UBLCP1: variants seen among roughly 807,000 people sequenced by gnomAD.
The protein encoded by UBLCP1 is ubiquitin like domain containing CTD phosphatase 1.
In UBLCP1, 28 loss-of-function variants were observed where a neutral mutation model predicts 42.4. The observed-to-expected ratio is 0.66, with a 90% CI of 0.49 to 0.90. The LOEUF (loss-of-function observed/expected upper bound fraction) is 0.90, where lower values mean the gene tolerates loss of function less well. UBLCP1 is among the 40% of genes least tolerant of loss of function. The pLI is 0.00. For synonymous variants in UBLCP1, 122 were observed against 120.8 expected (o/e 1.01, Z -0.07); for missense variants, 279 against 374.5 (o/e 0.75, Z 2.10).
intron 2 of UBLCP1, among the ~76,000 whole-genome samples, chr5:159,269,361 T>C (rs1016197672): frequency 6.6e-6 from 1 of 152,240 alleles, no homozygotes; most frequent in African/African-American, 2.4e-5. Context: ...ATGAAACTCA[T>C]TTATTTTCTG....
At chr5:159,266,515 A>G (rs1171366537) in intron 1 of UBLCP1, among the ~76,000 whole-genome samples, 4 of 152,148 alleles carry the variant, frequency 2.6e-5, no homozygotes, top group Non-Finnish European at 4.4e-5. Flanking sequence ...GAAAAGAAAA[A>G]CGCATTTTCT....
At chr5:159,269,090 G>C (rs919032057) in intron 2 of UBLCP1, 21 bp downstream of exon 2, 1 of 1,484,048 alleles carries the variant, frequency 6.7e-7, no homozygotes. Flanking sequence ...CCCCTCTTCA[G>C]ATTTTTTGCA....
At chr5:159,275,345 T>C in intron 8 of UBLCP1, 99 bp downstream of exon 8, 3 of 792,590 alleles carry the variant, frequency 3.8e-6, no homozygotes, top group South Asian at 3.6e-5. Flanking sequence ...GAGATTCATC[T>C]GAGTGAATAA....
chr5:159,266,001 G>T (rs1584736504), intron 1 of UBLCP1, among the ~76,000 whole-genome samples: 2 of 152,310 alleles, frequency 1.3e-5, no homozygotes, highest in South Asian at 4.1e-4. Context: ...TGTCTTAGCA[G>T]CATGAAAACA....
chr5:159,280,568 G>A (rs776493331), intron 9 of UBLCP1, among the ~76,000 whole-genome samples: 1 of 152,174 alleles, frequency 6.6e-6, no homozygotes, highest in Non-Finnish European at 1.5e-5. Context: ...CTCTCAAAGT[G>A]CAGGATTACA....
Position 159,270,611 on chromosome 5 carries a change from T to G in UBLCP1, c.416T>G (p.Leu139Arg). ...ILNPPREGKK[L>R]LVLDVDYTLF... ...AATCCTCCCAGGGAAGGGAAAAAGC[T>G]TTTGGTGCTAGATGTTGATTATACA... is the stretch of plus-strand genomic sequence containing the variant. The change falls in exon 5 of 11, where the codon CTT becomes CGT. Residue 139 changes from leucine to arginine, a missense_variant. Leu to Arg is a moderately radical substitution (Grantham distance 102, BLOSUM62 -2). Coordinates refer to ENST00000296786, the MANE Select transcript of UBLCP1 (RefSeq NM_145049.5). 6.2e-7 allele frequency: 1 copy of G among 1,608,960 alleles called. No homozygotes were observed. The highest frequency in any genetic ancestry group is 2.2e-5 in the East Asian group (1 of 44,714).
chr5:159,267,153 G>C (rs1018372476), intron 1 of UBLCP1, among the ~76,000 whole-genome samples: 1 of 152,182 alleles, frequency 6.6e-6, no homozygotes, highest in Non-Finnish European at 1.5e-5. Flanking sequence ...ATGCCAGCCC[G>C]TGAAAGCAGC....
At chr5:159,267,582 G>C (rs1753414758) in intron 1 of UBLCP1, among the ~76,000 whole-genome samples, 1 of 152,146 alleles carries the variant, frequency 6.6e-6, no homozygotes, top group African/African-American at 2.4e-5. Flanking sequence ...CATGAGATTT[G>C]GAGGGGCCAG....
At chr5:159,282,206 A>G (rs946357321) in intron 9 of UBLCP1, among the ~76,000 whole-genome samples, 3 of 152,202 alleles carry the variant, frequency 2.0e-5, no homozygotes, top group African/African-American at 7.2e-5. Context: ...TTATTGAAAG[A>G]CTATCTTGAG....
chr5:159,277,096 T>G (rs1244639446), intron 8 of UBLCP1, among the ~76,000 whole-genome samples: 2 of 152,144 alleles, frequency 1.3e-5, no homozygotes, highest in African/African-American at 2.4e-5. Context: ...TCATATTTCT[T>G]GAGGCTTTTG....
chr5:159,270,413 T>C lies in UBLCP1; in HGVS notation c.300T>C (p.Asp100=). ...PDNDDVVNDF[D]IEDEVVEVEN... ...ATGATGATGTTGTTAATGACTTTGA[T>C]ATTGAAGATGAAGTAGTTGAAGTAG... The change falls in exon 4 of 11, where the codon GAT becomes GAC. Residue 100 remains aspartate, a synonymous_variant. Coordinates refer to ENST00000296786, the MANE Select transcript of UBLCP1 (RefSeq NM_145049.5). The C allele has an allele frequency of 6.2e-7, 1 of 1,613,572 alleles. No homozygotes were observed. The highest frequency in any genetic ancestry group is 1.3e-5 in the African/African-American group (1 of 75,030).
rs943173560 is a variant in UBLCP1, at chr5:159,285,212, A to ACACC, written c.*284_*285insCCAC. The ACACC allele has an allele frequency of 1.3e-5, 3 of 235,934 alleles. No individual in the cohort carries two copies. The highest frequency in any genetic ancestry group is 5.0e-5 in the African/African-American group (2 of 39,618). The allele number at this position is 235,934 out of a possible 1,614,324, so 14.6% of individuals were successfully genotyped here. A position where few individuals can be genotyped will look rare whatever the true frequency, so the allele number is the denominator to read the frequency against. Reference sequence around the variant, plus strand: ...ACCCTCCCACCACACACACACACACACACACACACACACACACACACACAC... The same window carrying ACACC: ...ACCCTCCCACCACACACACACACACACACCCACACACACACACACACACACACAC... On this transcript the variant is annotated 3_prime_UTR_variant, in exon 11 of 11. Transcript: ENST00000296786.
chr5:159,282,299 A>C (rs998276780), intron 9 of UBLCP1, among the ~76,000 whole-genome samples: 1 of 152,156 alleles, frequency 6.6e-6, no homozygotes, highest in Non-Finnish European at 1.5e-5. Flanking sequence ...AAAGTGCATA[A>C]ATTTATAGTT....
At chr5:159,274,750 G>C in intron 7 of UBLCP1, 128 bp downstream of exon 7, 1 of 751,658 alleles carries the variant, frequency 1.3e-6, no homozygotes, top group Non-Finnish European at 2.2e-6. Context: ...GCCATTATTG[G>C]GAGTAGAGGT....
chr5:159,270,123 C>T (rs2420825), intron 3 of UBLCP1, 124 bp downstream of exon 3: 486,189 of 840,302 alleles, frequency 0.58, 144,364 homozygotes, highest in Non-Finnish European at 0.61. Flanking sequence ...AAATAAAACC[C>T]GCACCGTGAA....
intron 1 of UBLCP1, among the ~76,000 whole-genome samples, chr5:159,264,930 C>T (rs1278000899): frequency 1.3e-5 from 2 of 152,182 alleles, no homozygotes; most frequent in Non-Finnish European, 2.9e-5. Flanking sequence ...GGTTGCCTTT[C>T]TAGCTCTCGT....
chr5:159,269,405 C>T (rs573136124), intron 2 of UBLCP1, among the ~76,000 whole-genome samples: 5 of 152,234 alleles, frequency 3.3e-5, no homozygotes, highest in East Asian at 3.9e-4. Context: ...TTCGTTGTAA[C>T]GAGGGCCTCG....
intron 9 of UBLCP1, among the ~76,000 whole-genome samples, chr5:159,282,416 C>T (rs919593337): frequency 6.6e-6 from 1 of 152,066 alleles, no homozygotes; most frequent in African/African-American, 2.4e-5. Flanking sequence ...TTATAGTCCT[C>T]TAGTCTTTTT....
intron 8 of UBLCP1, 77 bp downstream of exon 8, chr5:159,275,323 G>GGTA: frequency 1.0e-6 from 1 of 956,052 alleles, no homozygotes; most frequent in Non-Finnish European, 1.5e-6. Context: ...TACCTATGGA[G>GGTA]TAAATAGTGT....
Sources: gnomAD v4.1 joint callset for allele counts (sites outside exome capture counted in the v4.1 genomes callset) on GRCh38, gnomAD v4.1.1 for gene constraint, MANE v1.5 for transcripts, NCBI Gene and HGNC (gene_info 2026-07-23, HGNC 2026-07-21) for gene names.